The following LYRM4 variants were observed in gnomAD, a reference collection of about 807,000 sequenced individuals.
The protein encoded by LYRM4 is LYR motif containing 4.
Under a neutral mutation model 11.7 loss-of-function variants are expected in LYRM4, and 9 were observed. The ratio of observed to expected loss-of-function variants is 0.77; its 90% CI spans 0.46 to 1.34. LYRM4 has a LOEUF of 1.34. Among genes scored for constraint, LYRM4 ranks in the 40% most tolerant of loss-of-function variants. The pLI, the probability that LYRM4 is intolerant of heterozygous loss-of-function variation, is 0.00. For synonymous variants in LYRM4, 42 were observed against 40.4 expected, an observed-to-expected ratio of 1.04 and a Z score of -0.15; for missense variants, 133 against 112.5, an observed-to-expected ratio of 1.18 and a Z score of -0.82.
intron 2 of LYRM4, among the ~76,000 whole-genome samples, chr6:5,181,346 C>A (rs1478928458): frequency 6.6e-6 from 1 of 152,162 alleles, no homozygotes; most frequent in African/African-American, 2.4e-5. Flanking sequence ...CCCTCATTGC[C>A]CTGGGACCAG....
At chr6:5,147,928 T>C (rs1365968292) in intron 2 of LYRM4, among the ~76,000 whole-genome samples, 2 of 152,224 alleles carry the variant, frequency 1.3e-5, no homozygotes, top group Non-Finnish European at 2.9e-5. Flanking sequence ...CCGACTTTCC[T>C]TTTGTAAATT....
At position 5,164,947 on chromosome 6, in the gene LYRM4, G is replaced by A. The variant is rs1338913893; in HGVS notation, c.207+51671C>T. On this transcript the variant is annotated intron_variant, in intron 2 of 2. Transcript: ENST00000330636. ...TGTGCCACCACACTCTAGCCTGGGC[G>A]ACAGAGTGAGACTGTGTCTCAAAAA... Among the ~76,000 whole-genome samples, 8 of 119,930 alleles carry A rather than the reference G, an allele frequency of 6.7e-5. No homozygotes were observed. In the East Asian group the frequency reaches 7.3e-4, roughly 11 times the overall value. 78.7% of individuals were successfully genotyped at this position (119,930 alleles called of 152,430 possible).
the LYRM4 span, among the ~76,000 whole-genome samples, chr6:5,075,409 A>G: frequency 6.6e-6 from 1 of 152,170 alleles, no homozygotes; most frequent in South Asian, 2.1e-4. Flanking sequence ...AGGGGGATAG[A>G]GGAGAGGAGG....
At chr6:5,148,018 T>C (rs994803023) in intron 2 of LYRM4, among the ~76,000 whole-genome samples, 2 of 152,122 alleles carry the variant, frequency 1.3e-5, no homozygotes, top group African/African-American at 2.4e-5. Flanking sequence ...CCAAGCTCGT[T>C]AGCACTCCCC....
intron 2 of LYRM4, among the ~76,000 whole-genome samples, chr6:5,165,376 A>G (rs1759018360): frequency 6.6e-6 from 1 of 151,752 alleles, no homozygotes; most frequent in South Asian, 2.1e-4. Flanking sequence ...TTTGCAGATT[A>G]GTTACACAAC....
At chr6:5,102,045 G>A (rs768377184), downstream of LYRM4, among the ~76,000 whole-genome samples, 3 of 136,714 alleles carry the variant, frequency 2.2e-5, no homozygotes, top group South Asian at 2.3e-4. Flanking sequence ...CTCTTGCTTC[G>A]TCCTTCCAAA....
At chr6:5,151,996 G>T (rs1248476472) in intron 2 of LYRM4, among the ~76,000 whole-genome samples, 1 of 152,172 alleles carries the variant, frequency 6.6e-6, no homozygotes, top group Admixed American at 6.5e-5. Context: ...GGGATTCACT[G>T]CTGCAATTGC....
intron 1 of LYRM4, among the ~76,000 whole-genome samples, chr6:5,227,582 C>T (rs569379283): frequency 6.6e-6 from 1 of 152,214 alleles, no homozygotes; most frequent in East Asian, 1.9e-4. Flanking sequence ...TGTGTGATTC[C>T]TCAAGGATCT....
chr6:5,066,469 G>A, the LYRM4 span: 1 of 761,434 alleles, frequency 1.3e-6, no homozygotes, highest in African/African-American at 1.7e-5. Flanking sequence ...TTCTGAAAGA[G>A]CCCTTGAGAA....
the LYRM4 span, among the ~76,000 whole-genome samples, chr6:5,073,779 T>C: frequency 6.6e-6 from 1 of 152,088 alleles, no homozygotes; most frequent in African/African-American, 2.4e-5. Context: ...AGAGGGAGCG[T>C]TGGCAAGAGA....
At chr6:5,096,326 C>T in the LYRM4 span, among the ~76,000 whole-genome samples, 1 of 151,922 alleles carries the variant, frequency 6.6e-6, no homozygotes, top group South Asian at 2.1e-4. Flanking sequence ...CCTATATCTA[C>T]AAAAAATTTA....
At chr6:5,033,659 C>T in the LYRM4 span, 2 of 152,390 alleles carry the variant, frequency 1.3e-5, no homozygotes, top group East Asian at 3.9e-4. Context: ...GGTGCTGTTC[C>T]TACAACACAG....
the LYRM4 span, among the ~76,000 whole-genome samples, chr6:5,082,766 G>A: frequency 2.6e-5 from 4 of 152,228 alleles, no homozygotes; most frequent in Admixed American, 6.5e-5. Flanking sequence ...ATTGCTCAAG[G>A]TTGAGTGGCT....
chr6:5,078,359 AGTTTGCTACCT>A, the LYRM4 span, among the ~76,000 whole-genome samples: 3 of 152,018 alleles, frequency 2.0e-5, no homozygotes, highest in Non-Finnish European at 2.9e-5. Context: ...CTGGCTCAGC[AGTTTGCTACCT>A]GGGTAACAAG....
chr6:5,106,851 G>C (rs769816921), downstream of LYRM4: 2 of 152,314 alleles, frequency 1.3e-5, no homozygotes, highest in Non-Finnish European at 2.9e-5. Context: ...ACAAGTTCTA[G>C]AGAGTTCTGT....
At chr6:5,206,683 T>C (rs368983649) in intron 2 of LYRM4, among the ~76,000 whole-genome samples, 1 of 152,184 alleles carries the variant, frequency 6.6e-6, no homozygotes, top group East Asian at 1.9e-4. Context: ...TTTACTCCAT[T>C]GAAGAGGCGG....
At chr6:5,151,843 G>A (rs1478071043) in intron 2 of LYRM4, among the ~76,000 whole-genome samples, 2 of 152,156 alleles carry the variant, frequency 1.3e-5, no homozygotes, top group Non-Finnish European at 2.9e-5. Context: ...AGGGCACAGA[G>A]GGAGGCTTAA....
At chr6:5,188,828 A>C (rs1455164458) in intron 2 of LYRM4, among the ~76,000 whole-genome samples, 7 of 152,184 alleles carry the variant, frequency 4.6e-5, no homozygotes, top group Non-Finnish European at 1.5e-5. Flanking sequence ...CAGTGGCGCA[A>C]TCATGGCTCA....
chr6:5,191,512 T>A (rs947463964), intron 2 of LYRM4, among the ~76,000 whole-genome samples: 1 of 152,230 alleles, frequency 6.6e-6, no homozygotes, highest in Non-Finnish European at 1.5e-5. Flanking sequence ...GTCATGAGTT[T>A]GTGAAACTAG....
Sources: allele counts gnomAD v4.1 joint callset (sites outside exome capture counted in the v4.1 genomes callset), GRCh38; gene constraint gnomAD v4.1.1; transcripts MANE v1.5; gene names NCBI Gene and HGNC (gene_info 2026-07-23, HGNC 2026-07-21).